Variants in TFDP2 observed in about 807,000 individuals in gnomAD.
TFDP2 encodes the protein transcription factor Dp-2 (E2F dimerization partner 2).
In TFDP2, 17 loss-of-function variants were observed where a neutral mutation model predicts 59.3. The observed-to-expected ratio is 0.29, with a 90% CI of 0.20 to 0.43. The LOEUF is 0.43. Among genes scored for constraint, TFDP2 ranks in the 20% least tolerant of loss-of-function variants. TFDP2 has a pLI of 1.00. For missense variants in TFDP2, 391 were observed against 528.8 expected (o/e 0.74, Z 2.56); for synonymous variants, 180 against 194.7 (o/e 0.92, Z 0.63).
chr3:142,005,899 G>A (rs753207862), intron 3 of TFDP2, among the ~76,000 whole-genome samples: 2 of 151,526 alleles, frequency 1.3e-5, no homozygotes, highest in Non-Finnish European at 2.9e-5. Context: ...AATTGAGAAA[G>A]AGATCTTTAA....
At chr3:142,110,482 C>T (rs1235398641) in intron 1 of TFDP2, among the ~76,000 whole-genome samples, 13 of 149,942 alleles carry the variant, frequency 8.7e-5, no homozygotes, top group African/African-American at 3.0e-4. Context: ...CCAGCCTGGG[C>T]GACAGAACGA....
intron 3 of TFDP2, chr3:142,028,530 G>T: frequency 1.0e-6 from 1 of 980,346 alleles, no homozygotes; most frequent in Non-Finnish European, 1.2e-6. Flanking sequence ...TATAAAATAA[G>T]AGCTGTAAAA....
At chr3:142,115,681 T>C (rs1355173088) in intron 1 of TFDP2, among the ~76,000 whole-genome samples, 1 of 152,256 alleles carries the variant, frequency 6.6e-6, no homozygotes, top group Non-Finnish European at 1.5e-5. Flanking sequence ...GTTTTTAGTC[T>C]TTTTAAATTT....
chr3:142,020,394 G>A (rs1247609091), intron 3 of TFDP2, among the ~76,000 whole-genome samples: 2 of 152,098 alleles, frequency 1.3e-5, no homozygotes, highest in African/African-American at 2.4e-5. Flanking sequence ...AATTAGCCAG[G>A]AGTGGTGGTG....
chr3:142,014,881 C>T lies in TFDP2; in HGVS notation c.83-9337G>A, dbSNP rs981174805. Among the ~76,000 whole-genome samples the T allele has an allele frequency of 2.0e-5, 3 of 152,314 alleles. No individual in the cohort carries two copies. In the South Asian group the frequency reaches 6.2e-4, roughly 32 times the overall value. On this transcript the variant is annotated intron_variant, in intron 3 of 12. Transcript: ENST00000489671. ...TTACCAACTAATTTGTTGCCCTCTA[C>T]AGCAAAACTACTCACAAAATCTGCC...
chr3:142,019,296 T>C (rs1945407927), intron 3 of TFDP2, among the ~76,000 whole-genome samples: 1 of 152,122 alleles, frequency 6.6e-6, no homozygotes, highest in Admixed American at 6.6e-5. Context: ...ACTCCTGACC[T>C]CAGGTAACCC....
chr3:142,010,454 C>T (rs959788382), intron 3 of TFDP2, among the ~76,000 whole-genome samples: 2 of 151,932 alleles, frequency 1.3e-5, no homozygotes, highest in Admixed American at 6.6e-5. Flanking sequence ...ACTAAAAATA[C>T]AAAAATCAGC....
At chr3:142,061,990 T>C (rs539149293) in intron 3 of TFDP2, among the ~76,000 whole-genome samples, 56 of 150,408 alleles carry the variant, frequency 3.7e-4, no homozygotes, top group African/African-American at 1.3e-3. Context: ...GGTACACTTA[T>C]ACACAGATTT....
At chr3:142,123,378 C>T (rs985572461) in intron 1 of TFDP2, among the ~76,000 whole-genome samples, 2 of 152,218 alleles carry the variant, frequency 1.3e-5, no homozygotes, top group South Asian at 2.1e-4. Flanking sequence ...TCGCGATCCA[C>T]CTGCCTCAGC....
At chr3:142,105,405 T>G (rs916630167) in intron 1 of TFDP2, among the ~76,000 whole-genome samples, 2 of 152,138 alleles carry the variant, frequency 1.3e-5, no homozygotes, top group Non-Finnish European at 2.9e-5. Flanking sequence ...CAATGAAATA[T>G]AAGCAGACAT....
At chr3:142,116,064 CTTT>C (rs200540799) in intron 1 of TFDP2, among the ~76,000 whole-genome samples, 1 of 144,666 alleles carries the variant, frequency 6.9e-6, no homozygotes, top group African/African-American at 2.5e-5. Flanking sequence ...CATTTTGCAA[CTTT>C]TTTTTTTTTT....
rs763844104 is a variant in TFDP2 at position 142,063,438 on chromosome 3, TAC to T, written c.82+29621_82+29622del. On this transcript the variant is annotated intron_variant, in intron 3 of 12. Coordinates refer to ENST00000489671, the MANE Select transcript of TFDP2 (RefSeq NM_001178139.2). Reference sequence around the variant, plus strand: ...CAAAATTAGCTATCATATACATACATACACAGTTTATTTAGTAATTGCAAAAC... The same window carrying T: ...CAAAATTAGCTATCATATACATACATACAGTTTATTTAGTAATTGCAAAAC... Among the ~76,000 whole-genome samples the T allele has an allele frequency of 3.4e-4, 52 of 152,234 alleles. 2 individuals carry two copies. The highest frequency in any genetic ancestry group is 6.8e-3 in the Middle Eastern group (2 of 294).
intron 1 of TFDP2, among the ~76,000 whole-genome samples, chr3:142,105,359 A>G (rs2061438196): frequency 6.6e-6 from 1 of 152,136 alleles, no homozygotes; most frequent in Non-Finnish European, 1.5e-5. Flanking sequence ...TTCCTCTCAG[A>G]TGGGCTAACC....
intron 3 of TFDP2, among the ~76,000 whole-genome samples, chr3:142,034,487 TAAAC>T (rs1946590063): frequency 6.6e-6 from 1 of 151,878 alleles, no homozygotes; most frequent in African/African-American, 2.4e-5. Flanking sequence ...GAGAGAAAAA[TAAAC>T]AAGACATTGT....
chr3:142,040,717 A>G (rs1946920659), intron 3 of TFDP2, among the ~76,000 whole-genome samples: 1 of 152,172 alleles, frequency 6.6e-6, no homozygotes, highest in Non-Finnish European at 1.5e-5. Flanking sequence ...GGTGTGAGCC[A>G]TCACGCCCAG....
chr3:141,967,326 C>T (rs1333514925), intron 9 of TFDP2, among the ~76,000 whole-genome samples: 1 of 139,598 alleles, frequency 7.2e-6, no homozygotes, highest in African/African-American at 2.6e-5. Context: ...GAGTTTCGCT[C>T]TTGTTGCCCA....
Position 141,952,923 on chromosome 3 carries a change from A to T in TFDP2, c.1145T>A (p.Leu382Ter), listed in dbSNP as rs995811952. Residue 382 changes from leucine to a stop codon, truncating the protein, a stop_gained, in exon 12 of 13, where the codon TTA (leucine) becomes TAA (stop). Transcript: ENST00000489671. LOFTEE classifies it high-confidence loss of function. ...AAAAAATACGTACCTTGACTGGGGT[A>T]AGGTGGCACCAGTGGTCAGGTCTAA... ...SNLDLTTGAT[L>*]PQSSVNQGLC... The T allele has an allele frequency of 1.9e-6, 3 of 1,613,710 alleles. No individual in the cohort carries two copies. The highest frequency in any genetic ancestry group is 2.5e-6 in the Non-Finnish European group (3 of 1,179,726).
At chr3:142,034,262 AT>A (rs1256171700) in intron 3 of TFDP2, among the ~76,000 whole-genome samples, 1 of 151,150 alleles carries the variant, frequency 6.6e-6, no homozygotes, top group Non-Finnish European at 1.5e-5. Flanking sequence ...CGCCTGGCTA[AT>A]TTTTTTTGTA....
chr3:142,009,484 G>A (rs1944470542), intron 3 of TFDP2, among the ~76,000 whole-genome samples: 1 of 152,012 alleles, frequency 6.6e-6, no homozygotes, highest in Admixed American at 6.6e-5. Flanking sequence ...AGCCAAGCAG[G>A]GCAGATCACC....
Sources: allele counts gnomAD v4.1 joint callset (sites outside exome capture counted in the v4.1 genomes callset), GRCh38; gene constraint gnomAD v4.1.1; transcripts MANE v1.5; gene names NCBI Gene and HGNC (gene_info 2026-07-23, HGNC 2026-07-21).